DNAH6: variants seen among roughly 807,000 people sequenced by gnomAD.
DNAH6 encodes the protein dynein axonemal heavy chain 6.
Under a neutral mutation model 491.4 loss-of-function variants are expected in DNAH6, and 340 were observed. The observed-to-expected ratio is 0.69, with a 90% CI of 0.63 to 0.76. The LOEUF (loss-of-function observed/expected upper bound fraction) is 0.76, where lower values mean the gene tolerates loss of function less well. DNAH6 is among the 30% of genes least tolerant of loss of function. The pLI, the probability that DNAH6 is intolerant of heterozygous loss-of-function variation, is 0.00. For synonymous variants in DNAH6, 1,603 were observed against 1,686.1 expected, an observed-to-expected ratio of 0.95 and a Z score of 1.21; for missense variants, 4,443 against 4,972.2, an observed-to-expected ratio of 0.89 and a Z score of 3.20.
At chr2:84,745,056 A>T in intron 62 of DNAH6, 24 bp from the exon 63 acceptor site, 2 of 1,395,120 alleles carry the variant, frequency 1.4e-6, no homozygotes, top group East Asian at 2.5e-5. Context: ...TAATTAAATT[A>T]TCTTTTTTAA....
intron 37 of DNAH6, among the ~76,000 whole-genome samples, chr2:84,668,810 C>CTGTGTGTG (rs766203821): frequency 0.019 from 2,352 of 121,006 alleles, 41 homozygotes; most frequent in African/African-American, 0.04. Flanking sequence ...AGCCATCCCT[C>CTGTGTGTG]TGTGTGTGTG....
At chr2:84,492,989 T>G in the DNAH6 span, among the ~76,000 whole-genome samples, 1 of 152,126 alleles carries the variant, frequency 6.6e-6, no homozygotes, top group Non-Finnish European at 1.5e-5. Context: ...CCGCTTTCTA[T>G]ATATACTGTA....
chr2:84,471,711 G>A, the DNAH6 span, among the ~76,000 whole-genome samples: 4 of 152,258 alleles, frequency 2.6e-5, no homozygotes, highest in Admixed American at 6.5e-5. Flanking sequence ...CACGTGGTTC[G>A]TTCATCTCCT....
At chr2:84,564,135 C>T (rs1245306223) in intron 11 of DNAH6, among the ~76,000 whole-genome samples, 1 of 151,916 alleles carries the variant, frequency 6.6e-6, no homozygotes, top group African/African-American at 2.4e-5. Flanking sequence ...TAATGTGCTG[C>T]CTTTACCTTT....
In DNAH6 at chr2:84,693,898, A is replaced by G. The variant is rs144078413; in HGVS notation, c.7293-351A>G. Among the ~76,000 whole-genome samples the G allele has an allele frequency of 9.1e-4, 139 of 152,234 alleles. 1 individual carries two copies. The highest frequency in any genetic ancestry group is 3.0e-3 in the African/African-American group (123 of 41,528). The stretch of plus-strand genomic sequence containing the variant: ...TTTTTCTGCTTGCTCATTCTTATAA[A>G]TGGAAACCTGGGCTTAGCAATTGAC... On this transcript the variant is annotated intron_variant, in intron 45 of 76. Transcript: ENST00000389394.
At chr2:84,532,643 A>C (rs753216363) in intron 4 of DNAH6, among the ~76,000 whole-genome samples, 7 of 152,164 alleles carry the variant, frequency 4.6e-5, no homozygotes, top group Non-Finnish European at 1.0e-4. Flanking sequence ...GCAATAATCT[A>C]TCTCTCTGAT....
At chr2:84,622,211 C>T (rs1445259516) in intron 26 of DNAH6, among the ~76,000 whole-genome samples, 3 of 152,126 alleles carry the variant, frequency 2.0e-5, no homozygotes, top group African/African-American at 7.2e-5. Context: ...CTATGACTGA[C>T]TCATTTCATT....
rs1683012382 is a variant in DNAH6, at chr2:84,581,430, G to T, written c.2229+1751G>T. Among the ~76,000 whole-genome samples, 3 of 152,174 alleles carry T rather than the reference G, an allele frequency of 2.0e-5. No homozygotes were observed. The South Asian group carries it at 6.2e-4, about 31-fold the overall frequency. On this transcript the variant is annotated intron_variant, in intron 14 of 76. Transcript: ENST00000389394. ...TGCAAAAATTACAATGAATAAACCTGCTTTAAAGAAGTTGAGTCTTGAATG... is the reference window on the plus strand; with the variant it reads ...TGCAAAAATTACAATGAATAAACCTTCTTTAAAGAAGTTGAGTCTTGAATG...
intron 63 of DNAH6, among the ~76,000 whole-genome samples, chr2:84,750,151 G>T (rs377740905): frequency 1.3e-5 from 2 of 149,598 alleles, no homozygotes; most frequent in African/African-American, 4.9e-5. Context: ...AGATGTAATT[G>T]TGGTACTGTG....
At chr2:84,641,344 G>C (rs974321971) in intron 32 of DNAH6, among the ~76,000 whole-genome samples, 8 of 152,242 alleles carry the variant, frequency 5.3e-5, no homozygotes, top group Admixed American at 5.2e-4. Context: ...TAACCTCTCA[G>C]ATATAGTATG....
intron 63 of DNAH6, among the ~76,000 whole-genome samples, chr2:84,759,593 A>C (rs760603010): frequency 1.4e-4 from 22 of 152,186 alleles, no homozygotes; most frequent in Non-Finnish European, 2.6e-4. Flanking sequence ...AAAACTACAA[A>C]ACACTGAAGA....
At chr2:84,661,316 A>G (rs1364560958) in intron 37 of DNAH6, among the ~76,000 whole-genome samples, 3 of 152,250 alleles carry the variant, frequency 2.0e-5, no homozygotes, top group Admixed American at 6.5e-5. Context: ...AGTAAACACT[A>G]TATTGGAGAG....
At chr2:84,651,613 C>A (rs1690461657) in intron 33 of DNAH6, among the ~76,000 whole-genome samples, 1 of 151,136 alleles carries the variant, frequency 6.6e-6, no homozygotes, top group South Asian at 2.1e-4. Context: ...TTTTTTAAAT[C>A]TGTGCCCATT....
chr2:84,647,458 C>G (rs1430232335), intron 33 of DNAH6, among the ~76,000 whole-genome samples: 1 of 152,086 alleles, frequency 6.6e-6, no homozygotes, highest in Admixed American at 6.6e-5. Flanking sequence ...CACCTGGCTT[C>G]AAAGCTTTAA....
At chr2:84,561,449 A>C (rs1218972660) in intron 11 of DNAH6, among the ~76,000 whole-genome samples, 3 of 152,342 alleles carry the variant, frequency 2.0e-5, no homozygotes, top group African/African-American at 7.2e-5. Context: ...AAGAAAACCT[A>C]GGCATTACCA....
chr2:84,802,123 C>T lies in DNAH6; in HGVS notation c.11482-3542C>T, dbSNP rs1033626837. Reference sequence around the variant, plus strand: ...ACAAAATCACACATAAGTACATAGCCTACAGACTGCATAAAGCAACTACAC... The same window carrying T: ...ACAAAATCACACATAAGTACATAGCTTACAGACTGCATAAAGCAACTACAC... On this transcript the variant is annotated intron_variant, in intron 70 of 76. Transcript: ENST00000389394. Among the ~76,000 whole-genome samples the T allele has an allele frequency of 1.3e-5, 2 of 152,132 alleles. 1 individual carries two copies. The highest frequency in any genetic ancestry group is 6.3e-3 in the Middle Eastern group (2 of 316).
chr2:84,531,347 T>TA (rs202046391), intron 4 of DNAH6, among the ~76,000 whole-genome samples: 3,489 of 4,350 alleles, frequency 0.8, 1,601 homozygotes, highest in African/African-American at 0.86. Context: ...ATTTTTTATT[T>TA]TTTTTTATTT....
At chr2:84,502,297 A>G in the DNAH6 span, among the ~76,000 whole-genome samples, 6 of 152,074 alleles carry the variant, frequency 3.9e-5, no homozygotes, top group African/African-American at 9.7e-5. Context: ...TTCGGAGCGT[A>G]TTGTTTACTT....
At chr2:84,717,967 G>T (rs917647045) in intron 58 of DNAH6, among the ~76,000 whole-genome samples, 11 of 152,206 alleles carry the variant, frequency 7.2e-5, no homozygotes, top group African/African-American at 2.4e-4. Flanking sequence ...GGGAACTTCA[G>T]TAGTATGCAT....
Sources: allele counts gnomAD v4.1 joint callset (sites outside exome capture counted in the v4.1 genomes callset), GRCh38; gene constraint gnomAD v4.1.1; transcripts MANE v1.5; gene names NCBI Gene and HGNC (gene_info 2026-07-23, HGNC 2026-07-21).